MUC5B: variants seen among roughly 807,000 people sequenced by gnomAD.
MUC5B encodes mucin-5B.
Under a neutral mutation model 376.9 loss-of-function variants are expected in MUC5B, and 116 were observed. That is an observed-to-expected ratio of 0.31 (90% CI 0.26 to 0.36). The LOEUF (loss-of-function observed/expected upper bound fraction) is 0.36. MUC5B is among the 10% of genes least tolerant of loss of function. The pLI is 1.00. For synonymous variants in MUC5B, 3,517 were observed against 3,390.9 expected (o/e 1.04, Z -1.29); for missense variants, 7,165 against 7,769.9 (o/e 0.92, Z 2.93).
chr11:1,258,267 G>A lies in MUC5B; in HGVS notation c.16556-63G>A. 6.3e-7 allele frequency: 1 copy of A among 1,589,740 alleles called. No individual in the cohort carries two copies. Among genetic ancestry groups the A allele is most frequent in the African/African-American group, 1.3e-5 (1 of 74,684 alleles). On this transcript the variant is annotated intron_variant, in intron 42 of 48. Transcript: ENST00000529681. This position sits in a 1 kb window ranked among gnomAD's most constrained non-coding sequence, Gnocchi z 5.5. ...GCTGGGGGTGGGGGAGTGCAGGATG[G>A]TGGGGGCGCTGGAGCACATGCTCCC...
At chr11:1,233,491 C>T (rs990451099) in intron 18 of MUC5B, among the ~76,000 whole-genome samples, 9 of 152,168 alleles carry the variant, frequency 5.9e-5, no homozygotes, top group Admixed American at 6.5e-5. Flanking sequence ...TGGCTGTTCT[C>T]AGCTGGGTCC....
chr11:1,243,354 C>T lies in MUC5B; in HGVS notation c.6474C>T (p.Ile2158=). Reference sequence around the variant, plus strand: ...CCTCAACTCCTGGGACAACTCCCATCCCCCCAGTGCTGACCACCACCGCCA... The same window carrying T: ...CCTCAACTCCTGGGACAACTCCCATTCCCCCAGTGCTGACCACCACCGCCA... The part of the protein sequence containing the change: ...NPSSTPGTTP[I]PPVLTTTATT... Residue 2158 remains isoleucine, a synonymous_variant, in exon 31 of 49, where the codon ATC becomes ATT. Coordinates refer to ENST00000529681, the MANE Select transcript of MUC5B (RefSeq NM_002458.3). The T allele has an allele frequency of 1.3e-6, 2 of 1,558,318 alleles. No individual in the cohort carries two copies. Among genetic ancestry groups the T allele is most frequent in the South Asian group, 1.2e-5 (1 of 85,960 alleles).
Position 1,227,702 on chromosome 11 carries a change from G to A in MUC5B, c.695G>A (p.Gly232Glu). The change falls in exon 7 of 49, where the codon GGG becomes GAG. Residue 232 changes from glycine to glutamate, a missense_variant. By Grantham distance (98) the Gly-to-Glu change is moderately conservative. This residue lies in a region of MUC5B where 640 missense variants were observed against 733.0 expected (regional missense o/e 0.87). Transcript: ENST00000529681. ...GCCAGGCTGACCCCGCTCCAGTTTG[G>A]GAACCTGCAGAAGTTGGATGGGCCC... ...HNARLTPLQF[G>E]NLQKLDGPTE... The A allele has an allele frequency of 1.4e-6, 1 of 723,564 alleles. No homozygotes were observed. Among genetic ancestry groups the A allele is most frequent in the South Asian group, 1.5e-5 (1 of 67,940 alleles). 44.8% of individuals were successfully genotyped at this position (723,564 alleles called of 1,614,324 possible). A position where few individuals can be genotyped will look rare whatever the true frequency, so the allele number is the denominator to read the frequency against.
intron 1 of MUC5B, among the ~76,000 whole-genome samples, chr11:1,224,252 CTG>C (rs1355439367): frequency 1.1e-4 from 17 of 152,308 alleles, no homozygotes; most frequent in African/African-American, 3.6e-4. Flanking sequence ...TTGGCAGGGA[CTG>C]TGCTTTAGTC....
At position 1,251,037 on chromosome 11, in the gene MUC5B, C is replaced by A; in HGVS notation, c.14157C>A (p.Thr4719=). The change falls in exon 31 of 49, where the codon ACC becomes ACA. Residue 4719 remains threonine, a synonymous_variant. Coordinates refer to ENST00000529681, the MANE Select transcript of MUC5B (RefSeq NM_002458.3). Reference sequence around the variant, plus strand: ...GCACGGCCACCACACCCGCAGCCACCAGCTCCAAAGCCACTTCCTCCTCCA... The same window carrying A: ...GCACGGCCACCACACCCGCAGCCACAAGCTCCAAAGCCACTTCCTCCTCCA... ...LTSTATTPAA[T]SSKATSSSSP... 1 of 1,611,488 alleles carries A rather than the reference C, an allele frequency of 6.2e-7. No homozygotes were observed. Among genetic ancestry groups the A allele is most frequent in the Non-Finnish European group, 8.5e-7 (1 of 1,178,286 alleles).
In MUC5B at chr11:1,233,252, G is replaced by C. The variant is rs927648540; in HGVS notation, c.2305G>C (p.Asp769His). Residue 769 changes from aspartate to histidine, a missense_variant, in exon 18 of 49, where the codon GAC becomes CAC. Asp to His is a moderately conservative substitution (Grantham distance 81). This residue lies in a region of MUC5B where 530 missense variants were observed against 604.0 expected (regional missense o/e 0.88). Transcript: ENST00000529681. ...GCTGGCTCCTGGAGAGGTGGTGCAC[G>C]ACGAGGGCGCCGTGTGGTAAGGGTC... is the stretch of plus-strand genomic sequence containing the variant. ...TVLAPGEVVH[D>H]EGAVCSCTGG... 1 of 1,575,380 alleles carries C rather than the reference G, an allele frequency of 6.3e-7. No homozygotes were observed. The highest frequency in any genetic ancestry group is 2.3e-5 in the East Asian group (1 of 43,634).
Position 1,230,971 on chromosome 11 carries a change from C to A in MUC5B, c.1506C>A (p.Leu502=). 1.3e-6 allele frequency: 2 copies of A among 1,599,656 alleles called. No individual in the cohort carries two copies. The highest frequency in any genetic ancestry group is 2.3e-5 in the South Asian group (2 of 88,352). The change falls in exon 13 of 49, where the codon CTC becomes CTA. Residue 502 remains leucine (L), a synonymous_variant. Coordinates refer to ENST00000529681, the MANE Select transcript of MUC5B (RefSeq NM_002458.3). ...TCCAAGCGGACGGCGGCGTGTTCCT[C>A]AACTCCATCTACACGCAGCTGCCCC... is the stretch of plus-strand genomic sequence containing the variant. ...IRVQADGGVF[L]NSIYTQLPLS...
rs199991355 is a variant in MUC5B at position 1,240,370 on chromosome 11, C to T, written c.3965C>T (p.Thr1322Met). The T allele has an allele frequency of 3.4e-5, 54 of 1,595,666 alleles. No individual in the cohort carries two copies. The highest frequency in any genetic ancestry group is 1.6e-4 in the African/African-American group (12 of 74,810). ...TFTTAWVPHS[T>M]TSPALPVSTV... is the part of the protein sequence containing the mutation. ...ACCACCGCCTGGGTCCCCCACTCCA[C>T]GACAAGTAAGCCCTGCCTGGCTCTC... The change falls in exon 30 of 49, where the codon ACG becomes ATG. Residue 1322 changes from threonine to methionine, a missense_variant. Around this residue, in one of 31 missense-constraint regions of MUC5B, gnomAD observed 517 missense variants for 545.3 expected, o/e 0.95. Coordinates refer to ENST00000529681, the MANE Select transcript of MUC5B (RefSeq NM_002458.3).
In MUC5B at chr11:1,248,490, C is replaced by A; in HGVS notation, c.11610C>A (p.Thr3870=). Residue 3870 remains threonine (T), a synonymous_variant, in exon 31 of 49, where the codon ACC becomes ACA. Transcript: ENST00000529681. ...CTACCAAAGTGCCGACTACCACAAC[C>A]ACGGGCTTCACAGTCACCCCCTCCT... is the stretch of plus-strand genomic sequence containing the variant. ...AHTTKVPTTT[T]TGFTVTPSSS... The A allele has an allele frequency of 6.2e-7, 1 of 1,612,002 alleles. No homozygotes were observed. Among genetic ancestry groups the A allele is most frequent in the Non-Finnish European group, 8.5e-7 (1 of 1,178,890 alleles).
rs1389599037 is a variant in MUC5B at position 1,253,477 on chromosome 11, G to A, written c.15217+497G>A. Among the ~76,000 whole-genome samples, 2 of 152,100 alleles carry A rather than the reference G, an allele frequency of 1.3e-5. No homozygotes were observed. Among genetic ancestry groups the A allele is most frequent in the African/African-American group, 4.8e-5 (2 of 41,388 alleles). On this transcript the variant is annotated intron_variant, in intron 33 of 48. Coordinates refer to ENST00000529681, the MANE Select transcript of MUC5B (RefSeq NM_002458.3). The surrounding 1 kb of genome is among the most constrained non-coding windows in gnomAD (Gnocchi z 4.3). ...CTTCCATCACCGTGCGGGACCCACCGCTAAGAGGTCACGGCGTTCTCACTC... is the reference window on the plus strand; with the variant it reads ...CTTCCATCACCGTGCGGGACCCACCACTAAGAGGTCACGGCGTTCTCACTC...
In MUC5B at chr11:1,233,129, C is replaced by A. The variant is rs1862069789; in HGVS notation, c.2182C>A (p.Pro728Thr). The change falls in exon 18 of 49, where the codon CCT becomes ACT. Residue 728 changes from proline to threonine, a missense_variant. Coordinates refer to ENST00000529681, the MANE Select transcript of MUC5B (RefSeq NM_002458.3). ...CGTCACCTGCAGCGTTTCCTTCGTGCCTGTGGACGGCTGCACCTGCCCCGC... is the reference window on the plus strand; with the variant it reads ...CGTCACCTGCAGCGTTTCCTTCGTGACTGTGGACGGCTGCACCTGCCCCGC... ...ADVTCSVSFV[P>T]VDGCTCPAGT... The A allele has an allele frequency of 6.2e-7, 1 of 1,607,554 alleles. No homozygotes were observed.
chr11:1,243,813 C>G lies in MUC5B; in HGVS notation c.6933C>G (p.Thr2311=), dbSNP rs1376063273. The change falls in exon 31 of 49, where the codon ACC becomes ACG. Residue 2311 remains threonine, a synonymous_variant. Transcript: ENST00000529681. ...CGGCCCCCATAACCACGGTGGTGAC[C>G]ATGGGCTGTGAGCCCCAGTGTGCCT... ...PTSAPITTVV[T]MGCEPQCAWS... is the part of the protein sequence containing the mutation. 4.3e-6 allele frequency: 7 copies of G among 1,611,642 alleles called. No homozygotes were observed. The highest frequency in any genetic ancestry group is 5.1e-6 in the Non-Finnish European group (6 of 1,179,636).
Position 1,244,609 on chromosome 11 carries a change from T to C in MUC5B, c.7729T>C (p.Ser2577Pro). Residue 2577 changes from serine to proline, a missense_variant, in exon 31 of 49, where the codon TCC becomes CCC. Physicochemically the swap from Ser to Pro is moderately conservative, Grantham distance 74. This residue lies in a region of MUC5B where 194 missense variants were observed against 268.5 expected (regional missense o/e 0.72). Coordinates refer to ENST00000529681, the MANE Select transcript of MUC5B (RefSeq NM_002458.3). ...CTCCACTCCAGAGACTGTCCACACCTCCACAGTGCTTACCACCACGGCCAC... is the reference window on the plus strand; with the variant it reads ...CTCCACTCCAGAGACTGTCCACACCCCCACAGTGCTTACCACCACGGCCAC... The part of the protein sequence containing the change: ...PSSTPETVHT[S>P]TVLTTTATTT... The C allele has an allele frequency of 6.2e-7, 1 of 1,607,220 alleles. No homozygotes were observed. The highest frequency in any genetic ancestry group is 1.4e-5 in the African/African-American group (1 of 72,258).
chr11:1,252,775 G>A, intron 32 of MUC5B, 34 bp from the exon 33 acceptor site: 1 of 1,571,166 alleles, frequency 6.4e-7, no homozygotes, highest in Non-Finnish European at 8.6e-7. Context: ...CCGTGAGCTG[G>A]TCCAGGTGAG....
rs1449272504 is a variant in MUC5B at position 1,254,326 on chromosome 11, T to C, written c.15452T>C (p.Met5151Thr). The C allele has an allele frequency of 1.9e-6, 3 of 1,605,052 alleles. No individual in the cohort carries two copies. The highest frequency in any genetic ancestry group is 1.3e-5 in the African/African-American group (1 of 75,054). The change falls in exon 34 of 49, where the codon ATG (methionine) becomes ACG (threonine). Residue 5151 changes from methionine (M) to threonine (T), a missense_variant. By Grantham distance (81) the Met-to-Thr change is moderately conservative. This residue lies in a region of MUC5B where 842 missense variants were observed against 1,016.9 expected (regional missense o/e 0.83). Coordinates refer to ENST00000529681, the MANE Select transcript of MUC5B (RefSeq NM_002458.3). ...KSMDIVLTVT[M>T]VHGKEEGLIL... is the part of the protein sequence containing the mutation. ...ATGGATATCGTCCTCACTGTCACCA[T>C]GGTGCATGGGAAGGAGGAGGGCCTG... is the stretch of plus-strand genomic sequence containing the variant.
rs375565916 is a variant in MUC5B at position 1,240,227 on chromosome 11, C to A, written c.3822C>A (p.Ile1274=). 62 of 1,613,190 alleles carry A rather than the reference C, an allele frequency of 3.8e-5. No homozygotes were observed. Among genetic ancestry groups the A allele is most frequent in the Non-Finnish European group, 5.0e-5 (59 of 1,179,466 alleles). ...GGACCTACAGCTACCAGGACGTCAT[C>A]TACAACACCACCGATGGGCTTGGCG... is the stretch of plus-strand genomic sequence containing the variant. The part of the protein sequence containing the change: ...EDRTYSYQDV[I]YNTTDGLGAC... Residue 1274 remains isoleucine, a synonymous_variant, in exon 30 of 49, where the codon ATC becomes ATA. Transcript: ENST00000529681.
chr11:1,241,046 C>A lies in MUC5B; in HGVS notation c.4166C>A (p.Pro1389Gln). The change falls in exon 31 of 49, where the codon CCG (proline) becomes CAG (glutamine). Residue 1389 changes from proline to glutamine, a missense_variant. This residue lies in a region of MUC5B where 517 missense variants were observed against 545.3 expected (regional missense o/e 0.95). Coordinates refer to ENST00000529681, the MANE Select transcript of MUC5B (RefSeq NM_002458.3). ...CGGGCGGCGCAGCTTCCCGACATGC[C>A]GCTGGAGGAGCTGGGCCAGCAGGTG... Reference protein sequence around the residue: ...ECRAAQLPDMPLEELGQQVDC... With the variant: ...ECRAAQLPDMQLEELGQQVDC... 6.2e-7 allele frequency: 1 copy of A among 1,612,582 alleles called. No homozygotes were observed. Among genetic ancestry groups the A allele is most frequent in the Middle Eastern group, 1.7e-4 (1 of 6,030 alleles).
intron 48 of MUC5B, 75 bp from the exon 49 acceptor site, chr11:1,261,314 C>A (rs1862989395): frequency 7.4e-7 from 1 of 1,351,750 alleles, no homozygotes; most frequent in African/African-American, 1.4e-5. Context: ...CCCCAGAGGC[C>A]CATGTGTCAC....
Position 1,243,204 on chromosome 11 carries a change from C to T in MUC5B, c.6324C>T (p.Thr2108=). ...ACACCGCCACAGTGCTGACCACCACCACCACAACTGTGGCCACTGGTTCTA... is the reference window on the plus strand; with the variant it reads ...ACACCGCCACAGTGCTGACCACCACTACCACAACTGTGGCCACTGGTTCTA... ...TTHTATVLTT[T]TTTVATGSMA... The change falls in exon 31 of 49, where the codon ACC becomes ACT. Residue 2108 remains threonine (T), a synonymous_variant. Coordinates refer to ENST00000529681, the MANE Select transcript of MUC5B (RefSeq NM_002458.3). 6.3e-7 allele frequency: 1 copy of T among 1,589,674 alleles called. No individual in the cohort carries two copies. The highest frequency in any genetic ancestry group is 2.3e-5 in the East Asian group (1 of 43,308).
Sources: allele counts gnomAD v4.1 joint callset (sites outside exome capture counted in the v4.1 genomes callset), GRCh38; gene constraint gnomAD v4.1.1; regional missense constraint gnomAD v4.1.1; non-coding constraint Gnocchi (gnomAD v3.1); transcripts MANE v1.5; gene names NCBI Gene and HGNC (gene_info 2026-07-23, HGNC 2026-07-21).